SEMA5A: variants seen among roughly 807,000 people sequenced by gnomAD.
SEMA5A encodes semaphorin-5A.
SEMA5A carries 55 observed loss-of-function variants against 135.5 expected under a neutral mutation model. That is an observed-to-expected ratio of 0.41 (90% CI 0.33 to 0.51). The LOEUF (loss-of-function observed/expected upper bound fraction) is 0.51. Ranked by LOEUF, SEMA5A falls within the 20% of genes least tolerant of loss-of-function variation. The pLI is 0.37. For synonymous variants in SEMA5A, 580 were observed against 546.5 expected (o/e 1.06, Z -0.85); for missense variants, 1,290 against 1,419.9 (o/e 0.91, Z 1.47).
At chr5:9,426,480 T>TAAAATAAAA (rs1757667449) in intron 2 of SEMA5A, among the ~76,000 whole-genome samples, 4 of 25,004 alleles carry the variant, frequency 1.6e-4, no homozygotes, top group South Asian at 2.7e-3. Flanking sequence ...ATAAAATAAA[T>TAAAATAAAA]GTGTATTGTC....
intron 22 of SEMA5A, among the ~76,000 whole-genome samples, chr5:9,044,048 A>G (rs968647928): frequency 6.6e-6 from 1 of 152,118 alleles, no homozygotes; most frequent in African/African-American, 2.4e-5. Context: ...CCCCAGATCT[A>G]CCATCTGAGT....
At chr5:9,288,269 G>A (rs1422997187) in intron 5 of SEMA5A, among the ~76,000 whole-genome samples, 1 of 152,198 alleles carries the variant, frequency 6.6e-6, no homozygotes, top group African/African-American at 2.4e-5. Flanking sequence ...GGCTACTAAG[G>A]GGCCCAAAGG....
chr5:9,131,441 T>C (rs1741408588), intron 13 of SEMA5A, among the ~76,000 whole-genome samples: 1 of 151,486 alleles, frequency 6.6e-6, no homozygotes, highest in Admixed American at 6.6e-5. Context: ...ACCCCGTCTC[T>C]ACTAAAAACA....
chr5:9,493,606 G>C (rs1476327089), intron 1 of SEMA5A, among the ~76,000 whole-genome samples: 1 of 152,178 alleles, frequency 6.6e-6, no homozygotes, highest in Admixed American at 6.6e-5. Context: ...GACAGCCTTT[G>C]ATAATAGGAT....
chr5:9,055,820 C>G (rs185168429), intron 18 of SEMA5A, among the ~76,000 whole-genome samples: 1 of 151,578 alleles, frequency 6.6e-6, no homozygotes, highest in Non-Finnish European at 1.5e-5. Flanking sequence ...GTATTTGATA[C>G]TGGCTGTAAT....
chr5:9,460,521 T>C (rs189618374), intron 1 of SEMA5A, among the ~76,000 whole-genome samples: 15 of 152,274 alleles, frequency 9.9e-5, no homozygotes, highest in African/African-American at 9.6e-5. Flanking sequence ...TCAATCTGTC[T>C]ACTATTAAAG....
intron 21 of SEMA5A, among the ~76,000 whole-genome samples, chr5:9,048,049 A>G (rs1193246004): frequency 6.6e-6 from 1 of 152,148 alleles, no homozygotes; most frequent in Non-Finnish European, 1.5e-5. Flanking sequence ...TTTGAGCCTC[A>G]GGCTCTGCAT....
chr5:9,516,693 A>G (rs1012751364), intron 1 of SEMA5A: 2 of 152,214 alleles, frequency 1.3e-5, no homozygotes, highest in African/African-American at 4.8e-5. Context: ...AAGAGGGAAG[A>G]GTATCAAACC....
chr5:9,472,000 CA>C (rs1266762249), intron 1 of SEMA5A, among the ~76,000 whole-genome samples: 1 of 152,184 alleles, frequency 6.6e-6, no homozygotes, highest in Non-Finnish European at 1.5e-5. Context: ...AATCTGGCTA[CA>C]TTTTTTTATT....
chr5:9,228,117 C>T (rs1403213242), intron 6 of SEMA5A, among the ~76,000 whole-genome samples: 1 of 152,066 alleles, frequency 6.6e-6, no homozygotes, highest in Non-Finnish European at 1.5e-5. Flanking sequence ...AATCCAGGCT[C>T]CTGGCAGAAA....
At chr5:9,420,553 T>C (rs1757429934) in intron 2 of SEMA5A, among the ~76,000 whole-genome samples, 1 of 152,188 alleles carries the variant, frequency 6.6e-6, no homozygotes, top group Non-Finnish European at 1.5e-5. Context: ...CAAAGAAGAA[T>C]GAATGTTGTC....
intron 1 of SEMA5A, among the ~76,000 whole-genome samples, chr5:9,447,193 T>C (rs1758464126): frequency 6.6e-6 from 1 of 152,312 alleles, no homozygotes; most frequent in Middle Eastern, 3.4e-3. Context: ...AACTCAGTAA[T>C]GGAAAGAAGA....
chr5:9,479,866 T>C (rs1038188371), intron 1 of SEMA5A, among the ~76,000 whole-genome samples: 3 of 152,210 alleles, frequency 2.0e-5, no homozygotes, highest in Non-Finnish European at 4.4e-5. Flanking sequence ...GAGAGGAGGT[T>C]GATGATCACA....
At chr5:9,378,794 G>C (rs1051084285) in intron 3 of SEMA5A, among the ~76,000 whole-genome samples, 2 of 152,180 alleles carry the variant, frequency 1.3e-5, no homozygotes, top group African/African-American at 4.8e-5. Context: ...ACCCATGAAA[G>C]ATCTCTCAAT....
intron 1 of SEMA5A, among the ~76,000 whole-genome samples, chr5:9,483,341 C>T (rs1759952592): frequency 6.6e-6 from 1 of 152,122 alleles, no homozygotes; most frequent in Non-Finnish European, 1.5e-5. Flanking sequence ...AAAGATTTCT[C>T]GTCCTATCTG....
chr5:9,301,283 T>G (rs182569974), intron 5 of SEMA5A, among the ~76,000 whole-genome samples: 1 of 152,178 alleles, frequency 6.6e-6, no homozygotes, highest in Non-Finnish European at 1.5e-5. Flanking sequence ...GTTGATAAAT[T>G]TTAGGCAGCG....
chr5:9,175,187 G>A (rs144608708), intron 11 of SEMA5A, among the ~76,000 whole-genome samples: 59 of 152,074 alleles, frequency 3.9e-4, no homozygotes, highest in African/African-American at 1.3e-3. Flanking sequence ...TCCAGATCCC[G>A]TGTGTTCATG....
chr5:9,114,106 T>C (rs1453066469), intron 15 of SEMA5A, among the ~76,000 whole-genome samples: 1 of 152,198 alleles, frequency 6.6e-6, no homozygotes, highest in Non-Finnish European at 1.5e-5. Flanking sequence ...TACAACTGAA[T>C]CTTATTCAGC....
intron 5 of SEMA5A, among the ~76,000 whole-genome samples, chr5:9,304,072 T>C (rs1561126788): frequency 6.6e-6 from 1 of 152,104 alleles, no homozygotes; most frequent in Non-Finnish European, 1.5e-5. Flanking sequence ...TCCACCAAAA[T>C]TTGTTGTTTT....
Sources: gnomAD v4.1 joint callset for allele counts (sites outside exome capture counted in the v4.1 genomes callset) on GRCh38, gnomAD v4.1.1 for gene constraint, MANE v1.5 for transcripts, NCBI Gene and HGNC (gene_info 2026-07-23, HGNC 2026-07-21) for gene names.